VPS29: variants seen among roughly 807,000 people sequenced by gnomAD.
VPS29 encodes vacuolar protein sorting-associated protein 29.
VPS29 carries 2 observed loss-of-function variants against 20.0 expected under a neutral mutation model. That is an observed-to-expected ratio of 0.10 (90% CI 0.04 to 0.31). The LOEUF is 0.31. Among genes scored for constraint, VPS29 ranks in the 10% least tolerant of loss-of-function variants. The pLI is 1.00. For synonymous variants in VPS29, 81 were observed against 79.3 expected, an observed-to-expected ratio of 1.02 and a Z score of -0.12; for missense variants, 120 against 215.3, an observed-to-expected ratio of 0.56 and a Z score of 2.77.
intron 2 of VPS29, among the ~76,000 whole-genome samples, chr12:110,494,759 G>A (rs575864327): frequency 4.0e-5 from 6 of 151,786 alleles, no homozygotes; most frequent in Non-Finnish European, 7.4e-5. Flanking sequence ...TCACTCTGTC[G>A]CCCAGGCTGG....
chr12:110,501,367 A>G (rs1414141208), intron 1 of VPS29: 2 of 1,534,640 alleles, frequency 1.3e-6, no homozygotes, highest in South Asian at 1.2e-5. Flanking sequence ...TATATTCACA[A>G]AAATTTCCCA....
chr12:110,491,734 T>C lies in VPS29; in HGVS notation c.*271A>G, dbSNP rs1041302127. 2.0e-5 allele frequency: 6 copies of C among 303,944 alleles called. No homozygotes were observed. Among genetic ancestry groups the C allele is most frequent in the Middle Eastern group, 1.0e-3 (1 of 994 alleles). The allele number at this position is 303,944 out of a possible 1,614,324, so 18.8% of individuals were successfully genotyped here. A position where few individuals can be genotyped will look rare whatever the true frequency, so the allele number is the denominator to read the frequency against. ...GGAATAAAGTTCCAAATATCAACTTTGAAGATACTTACAAGGATAAATTTT... is the reference window on the plus strand; with the variant it reads ...GGAATAAAGTTCCAAATATCAACTTCGAAGATACTTACAAGGATAAATTTT... On this transcript the variant is annotated 3_prime_UTR_variant, in exon 4 of 4. Coordinates refer to ENST00000549578, the MANE Select transcript of VPS29 (RefSeq NM_016226.5).
At chr12:110,492,252 G>A (rs908439609) in intron 3 of VPS29, 130 bp from the exon 4 acceptor site, 6 of 724,534 alleles carry the variant, frequency 8.3e-6, no homozygotes, top group Non-Finnish European at 1.4e-5. Flanking sequence ...CCAAAAGATT[G>A]CCAAAATGGC....
intron 1 of VPS29, chr12:110,499,516 G>C (rs754635740): frequency 1.2e-6 from 2 of 1,612,672 alleles, no homozygotes; most frequent in African/African-American, 2.7e-5. Flanking sequence ...GTTAGTAGGA[G>C]CTAAGTGAAG....
At chr12:110,494,103 T>C (rs2062860693) in intron 2 of VPS29, among the ~76,000 whole-genome samples, 3 of 152,068 alleles carry the variant, frequency 2.0e-5, no homozygotes, top group South Asian at 4.1e-4. Context: ...TTCACCTCCA[T>C]GCCACCTTTA....
chr12:110,499,483 T>C, intron 1 of VPS29: 1 of 1,610,556 alleles, frequency 6.2e-7, no homozygotes, highest in Non-Finnish European at 8.5e-7. Context: ...ATCCAGTCAG[T>C]AAACAGCCAC....
chr12:110,501,975 C>T (rs1210794460), intron 1 of VPS29, 74 bp downstream of exon 1: 1 of 1,612,410 alleles, frequency 6.2e-7, no homozygotes, highest in Non-Finnish European at 8.5e-7. Context: ...TCGCCCTCGG[C>T]CTCCCCACGG....
chr12:110,498,137 A>G (rs1213395539), intron 1 of VPS29, among the ~76,000 whole-genome samples: 1 of 151,836 alleles, frequency 6.6e-6, no homozygotes, highest in Admixed American at 6.6e-5. Context: ...ACACCCAGCT[A>G]ATTTTTGTAT....
At chr12:110,500,465 G>A (rs1176436093) in intron 1 of VPS29, among the ~76,000 whole-genome samples, 1 of 152,078 alleles carries the variant, frequency 6.6e-6, no homozygotes, top group Non-Finnish European at 1.5e-5. Context: ...TACTGTAAAC[G>A]GATTACTTTA....
chr12:110,495,054 T>G (rs1214266228), intron 2 of VPS29, among the ~76,000 whole-genome samples: 2 of 152,154 alleles, frequency 1.3e-5, no homozygotes, highest in South Asian at 4.1e-4. Context: ...AAAGTCAGGT[T>G]TATTGAGGCG....
chr12:110,497,020 AT>A (rs2062917588), intron 1 of VPS29: 2 of 152,050 alleles, frequency 1.3e-5, no homozygotes, highest in Admixed American at 6.6e-5. Context: ...AAAAGAAAAC[AT>A]TTTCACAATC....
chr12:110,497,279 C>T (rs1039716652), intron 1 of VPS29, among the ~76,000 whole-genome samples: 10 of 122,522 alleles, frequency 8.2e-5, no homozygotes, highest in East Asian at 2.6e-4. Flanking sequence ...TGCAGTGGTG[C>T]GATCTCGGCT....
chr12:110,497,969 G>A (rs1338243027), intron 1 of VPS29, among the ~76,000 whole-genome samples: 4 of 148,302 alleles, frequency 2.7e-5, no homozygotes, highest in South Asian at 2.2e-4. Context: ...CAACAGAATC[G>A]ATTTTTTTTT....
intron 1 of VPS29, chr12:110,501,554 C>G (rs1473578727): frequency 2.0e-6 from 3 of 1,535,410 alleles, no homozygotes; most frequent in Non-Finnish European, 1.7e-6. Flanking sequence ...GGTTTATTCC[C>G]TTTCCCTAGA....
At chr12:110,498,660 T>C (rs562959749) in intron 1 of VPS29, 322 of 184,374 alleles carry the variant, frequency 1.7e-3, no homozygotes, top group African/African-American at 7.4e-3. Flanking sequence ...CACTTTAAAA[T>C]TGTTAAGTAA....
chr12:110,492,469 C>T (rs957106269), intron 3 of VPS29, among the ~76,000 whole-genome samples: 5 of 151,570 alleles, frequency 3.3e-5, no homozygotes, highest in African/African-American at 1.2e-4. Context: ...ACTTGGGAGA[C>T]TGAGGCACAA....
At chr12:110,495,789 C>T (rs1478077858) in intron 2 of VPS29, among the ~76,000 whole-genome samples, 1 of 151,332 alleles carries the variant, frequency 6.6e-6, no homozygotes, top group Non-Finnish European at 1.5e-5. Flanking sequence ...TATTCAGTAT[C>T]TATTTAGTTA....
chr12:110,500,950 C>A (rs1358150388), intron 1 of VPS29, among the ~76,000 whole-genome samples: 1 of 152,036 alleles, frequency 6.6e-6, no homozygotes, highest in Non-Finnish European at 1.5e-5. Context: ...GAGGCCGAGG[C>A]GGGTGGATCA....
In VPS29 at chr12:110,501,416, C is replaced by T. The variant is rs1217116594; in HGVS notation, c.3+633G>A. 4 of 1,535,442 alleles carry T rather than the reference C, an allele frequency of 2.6e-6. No homozygotes were observed. The Admixed American group carries it at 5.9e-5, about 23-fold the overall frequency. ...GTTCACACATCATTAAGGAATCCTA[C>T]CCTAAAGAGGCGTAGCAACCCGTGG... On this transcript the variant is annotated intron_variant, in intron 1 of 3. Transcript: ENST00000549578.
Sources: allele counts gnomAD v4.1 joint callset (sites outside exome capture counted in the v4.1 genomes callset), GRCh38; gene constraint gnomAD v4.1.1; transcripts MANE v1.5; gene names NCBI Gene and HGNC (gene_info 2026-07-23, HGNC 2026-07-21).